Variants in RBFOX1 observed in about 807,000 individuals in gnomAD.
The protein encoded by RBFOX1 is RNA binding fox-1 homolog 1, also known as RNA binding protein fox-1 homolog 1.
RBFOX1 carries 8 observed loss-of-function variants against 57.7 expected under a neutral mutation model. The ratio of observed to expected loss-of-function variants is 0.14; its 90% CI spans 0.08 to 0.25. The LOEUF (loss-of-function observed/expected upper bound fraction) is 0.25, where lower values mean the gene tolerates loss of function less well. Among genes scored for constraint, RBFOX1 ranks in the 10% least tolerant of loss-of-function variants. RBFOX1 has a pLI of 1.00. For missense variants in RBFOX1, 611 were observed against 548.5 expected (o/e 1.11, Z -1.14); for synonymous variants, 326 against 222.4 (o/e 1.47, Z -4.15).
At chr16:6,569,309 G>A (rs1367922142) in intron 2 of RBFOX1, among the ~76,000 whole-genome samples, 1 of 152,132 alleles carries the variant, frequency 6.6e-6, no homozygotes, top group Non-Finnish European at 1.5e-5. Context: ...TCATCTCATT[G>A]CTGTAGAATA....
At chr16:5,658,319 G>A (rs777423730) in intron 3 of RBFOX1, among the ~76,000 whole-genome samples, 21 of 152,146 alleles carry the variant, frequency 1.4e-4, no homozygotes, top group African/African-American at 3.6e-4. Context: ...CAAACTCCTC[G>A]TTGCAGTCCA....
chr16:6,366,087 G>GTGTA (rs2089558805), intron 2 of RBFOX1, among the ~76,000 whole-genome samples: 1 of 49,746 alleles, frequency 2.0e-5, no homozygotes, highest in Admixed American at 1.7e-4. Flanking sequence ...GCCATTCTAT[G>GTGTA]TGTGTGTGTG....
At chr16:5,450,596 G>A (rs2068393127) in intron 1 of RBFOX1, among the ~76,000 whole-genome samples, 1 of 152,148 alleles carries the variant, frequency 6.6e-6, no homozygotes, top group Non-Finnish European at 1.5e-5. Flanking sequence ...TGTTTTGCTT[G>A]GATTTATGCA....
At chr16:5,284,725 A>G (rs1405793627) in intron 1 of RBFOX1, among the ~76,000 whole-genome samples, 2 of 132,616 alleles carry the variant, frequency 1.5e-5, no homozygotes, top group East Asian at 4.6e-4. Flanking sequence ...TTTGAAGGAC[A>G]GCTTTGCTGG....
intron 3 of RBFOX1, among the ~76,000 whole-genome samples, chr16:6,711,809 A>G (rs534403644): frequency 1.9e-4 from 29 of 152,160 alleles, no homozygotes; most frequent in African/African-American, 5.5e-4. Flanking sequence ...TGCATTGTCT[A>G]TTTCCTCTAC....
intron 4 of RBFOX1, among the ~76,000 whole-genome samples, chr16:7,117,770 C>T (rs913541512): frequency 1.8e-4 from 28 of 152,126 alleles, no homozygotes; most frequent in African/African-American, 6.5e-4. Context: ...TAATAGACTG[C>T]AGTCAGGGTA....
chr16:6,068,816 T>A (rs1018060473), intron 1 of RBFOX1, among the ~76,000 whole-genome samples: 5 of 152,142 alleles, frequency 3.3e-5, no homozygotes, highest in African/African-American at 1.2e-4. Flanking sequence ...CTGGTGATAT[T>A]TCCCAGGCCT....
At chr16:7,401,561 G>C (rs2098244056) in intron 4 of RBFOX1, among the ~76,000 whole-genome samples, 1 of 152,168 alleles carries the variant, frequency 6.6e-6, no homozygotes. Flanking sequence ...AAGCCTCTGG[G>C]CAGAAGAAAT....
intron 11 of RBFOX1, among the ~76,000 whole-genome samples, chr16:7,645,376 C>T (rs2063553743): frequency 6.6e-6 from 1 of 152,208 alleles, no homozygotes; most frequent in Admixed American, 6.5e-5. Flanking sequence ...ACCCACCAAG[C>T]AGCAGGCTGA....
chr16:7,333,069 A>C (rs1603623680), intron 4 of RBFOX1: 1 of 1,613,870 alleles, frequency 6.2e-7, no homozygotes, highest in Non-Finnish European at 8.5e-7. Flanking sequence ...GCAGCTCCTT[A>C]CCTTCCTGGA....
chr16:7,352,930 G>T (rs2097153711), intron 4 of RBFOX1, among the ~76,000 whole-genome samples: 1 of 152,016 alleles, frequency 6.6e-6, no homozygotes, highest in Non-Finnish European at 1.5e-5. Context: ...TGCCTACGCT[G>T]GTATCGAACT....
At chr16:6,584,054 T>A (rs554145784) in intron 2 of RBFOX1, among the ~76,000 whole-genome samples, 4 of 151,760 alleles carry the variant, frequency 2.6e-5, no homozygotes, top group Admixed American at 1.3e-4. Context: ...AAGGTTCTTT[T>A]AACAATAATA....
chr16:6,424,620 C>CGTGTGCGTGTGTGTGTGT (rs1555466659), intron 2 of RBFOX1, among the ~76,000 whole-genome samples: 1 of 150,592 alleles, frequency 6.6e-6, no homozygotes, highest in African/African-American at 2.4e-5. Context: ...TGTGTGTGTG[C>CGTGTGCGTGTGTGTGTGT]GTGTGTGTGA....
At chr16:6,593,800 G>T (rs575162831) in intron 2 of RBFOX1, among the ~76,000 whole-genome samples, 56 of 152,304 alleles carry the variant, frequency 3.7e-4, no homozygotes, top group African/African-American at 1.3e-3. Context: ...ATTAGCATAT[G>T]TCAGATTTTC....
intron 3 of RBFOX1, among the ~76,000 whole-genome samples, chr16:6,933,225 C>A (rs112867421): frequency 6.6e-6 from 1 of 152,168 alleles, no homozygotes; most frequent in Non-Finnish European, 1.5e-5. Context: ...CTTTCAGAGT[C>A]CCTGCTTTCA....
At chr16:6,388,039 G>A (rs1256855213) in intron 2 of RBFOX1, among the ~76,000 whole-genome samples, 1 of 138,786 alleles carries the variant, frequency 7.2e-6, no homozygotes, top group Admixed American at 8.2e-5. Context: ...GAGTGCACTG[G>A]AACGATTTGA....
chr16:5,522,329 T>C (rs2044054154), intron 2 of RBFOX1, among the ~76,000 whole-genome samples: 1 of 152,256 alleles, frequency 6.6e-6, no homozygotes, highest in East Asian at 1.9e-4. Context: ...GTGATGTGCG[T>C]AAAGCACGTT....
At chr16:6,906,165 C>T (rs1379502667) in intron 3 of RBFOX1, among the ~76,000 whole-genome samples, 5 of 151,944 alleles carry the variant, frequency 3.3e-5, no homozygotes, top group Non-Finnish European at 2.9e-5. Flanking sequence ...TATTCAATAG[C>T]GCATTAGAGA....
intron 1 of RBFOX1, among the ~76,000 whole-genome samples, chr16:6,193,374 ATACATTATATATATATAC>A (rs1567650663): frequency 1.5e-4 from 15 of 99,380 alleles, no homozygotes; most frequent in African/African-American, 5.1e-4. Context: ...ATATATATAT[ATACATTATATATATATAC>A]TATATATATA....
Sources: gnomAD v4.1 joint callset for allele counts (sites outside exome capture counted in the v4.1 genomes callset) on GRCh38, gnomAD v4.1.1 for gene constraint, MANE v1.5 for transcripts, NCBI Gene and HGNC (gene_info 2026-07-23, HGNC 2026-07-21) for gene names.